Variants in HSD17B4 observed in about 807,000 individuals in gnomAD.
HSD17B4 encodes the protein hydroxysteroid 17-beta dehydrogenase 4, also known as peroxisomal multifunctional enzyme type 2.
HSD17B4 carries 70 observed loss-of-function variants against 101.0 expected under a neutral mutation model. The observed-to-expected ratio is 0.69, with a 90% CI of 0.57 to 0.85. The LOEUF is 0.85. HSD17B4 is among the 40% of genes least tolerant of loss of function. HSD17B4 has a pLI of 0.00. For synonymous variants in HSD17B4, 347 were observed against 297.1 expected (o/e 1.17, Z -1.73); for missense variants, 984 against 892.4 (o/e 1.10, Z -1.31).
chr5:119,526,785 C>CCTA (rs1753640326), intron 19 of HSD17B4, among the ~76,000 whole-genome samples: 1 of 151,836 alleles, frequency 6.6e-6, no homozygotes, highest in South Asian at 2.1e-4. Flanking sequence ...AGGCCTCATT[C>CCTA]CTTAGACTTA....
chr5:119,505,354 A>G (rs1456344993), intron 14 of HSD17B4, among the ~76,000 whole-genome samples: 1 of 152,174 alleles, frequency 6.6e-6, no homozygotes, highest in East Asian at 1.9e-4. Flanking sequence ...CATTTTAACA[A>G]TATTGATTCT....
intron 8 of HSD17B4, among the ~76,000 whole-genome samples, chr5:119,483,516 A>G (rs1749337110): frequency 6.6e-6 from 1 of 152,116 alleles, no homozygotes; most frequent in Admixed American, 6.6e-5. Context: ...TTCCCATTTA[A>G]TAAAATAGTG....
At chr5:119,527,289 G>C in intron 20 of HSD17B4, 70 bp downstream of exon 20, 2 of 884,164 alleles carry the variant, frequency 2.3e-6, no homozygotes, top group South Asian at 2.7e-5. Flanking sequence ...TTTTTTTTTG[G>C]TTAGTACTAT....
Position 119,456,228 on chromosome 5 carries a change from A to C in HSD17B4, c.59-87A>C, listed in dbSNP as rs33950298. The stretch of plus-strand genomic sequence containing the variant: ...TTAAAATGTAATTAATTGTTCACCA[A>C]TTTCTTTAAATGGGGATTGAGTTGA... On this transcript the variant is annotated intron_variant, in intron 1 of 23. Coordinates refer to ENST00000510025, the MANE Select transcript of HSD17B4 (RefSeq NM_000414.4). The C allele has an allele frequency of 1.4e-3, 1,191 of 836,984 alleles. 18 individuals are homozygous for C. The highest frequency in any genetic ancestry group is 0.011 in the South Asian group (824 of 74,728). 51.8% of individuals were successfully genotyped at this position (836,984 alleles called of 1,614,324 possible).
chr5:119,521,346 A>C (rs551144333), intron 17 of HSD17B4, among the ~76,000 whole-genome samples: 5 of 152,214 alleles, frequency 3.3e-5, no homozygotes, highest in African/African-American at 1.2e-4. Context: ...TTTTGCTGGG[A>C]TATGTCTCAG....
intron 20 of HSD17B4, among the ~76,000 whole-genome samples, chr5:119,528,692 T>G (rs1316542439): frequency 6.6e-6 from 1 of 152,124 alleles, no homozygotes; most frequent in Non-Finnish European, 1.5e-5. Flanking sequence ...GCAATTCTGG[T>G]GATGAATAGT....
intron 1 of HSD17B4, among the ~76,000 whole-genome samples, chr5:119,455,542 TTCTCTCTC>T (rs200829499): frequency 2.9e-4 from 40 of 139,360 alleles, no homozygotes; most frequent in African/African-American, 7.7e-4. Context: ...AAGCAAAACT[TTCTCTCTC>T]TCTCTCTCTC....
chr5:119,476,505 A>G (rs1748597267), intron 6 of HSD17B4: 1 of 955,534 alleles, frequency 1.0e-6, no homozygotes, highest in Non-Finnish European at 1.2e-6. Flanking sequence ...CTGAGGTGAA[A>G]CAATTGTATC....
At chr5:119,528,645 T>A (rs1004060632) in intron 20 of HSD17B4, among the ~76,000 whole-genome samples, 1 of 152,150 alleles carries the variant, frequency 6.6e-6, no homozygotes, top group African/African-American at 2.4e-5. Context: ...CTAAAAGTGT[T>A]AAGGACCATG....
chr5:119,466,785 A>G (rs1025277238), intron 2 of HSD17B4, among the ~76,000 whole-genome samples: 5 of 150,646 alleles, frequency 3.3e-5, no homozygotes, highest in East Asian at 2.0e-4. Flanking sequence ...AATTTTGTTT[A>G]TTTCTTCTCT....
rs760213706 is a variant in HSD17B4 at position 119,529,955 on chromosome 5, G to A, written c.1829G>A (p.Gly610Asp). The A allele has an allele frequency of 1.2e-6, 2 of 1,607,668 alleles. No homozygotes were observed. The highest frequency in any genetic ancestry group is 1.3e-5 in the African/African-American group (1 of 74,706). Reference protein sequence around the residue: ...NAYVDLAPTSGTSAKTPSEGG... With the variant: ...NAYVDLAPTSDTSAKTPSEGG... ...TATGTGGATCTTGCACCAACATCTG[G>A]TACTTCAGCTAAGACACCCTCTGAG... Residue 610 changes from glycine (G) to aspartate (D), a missense_variant, in exon 21 of 24, where the codon GGT becomes GAT. Gly to Asp is a moderately conservative substitution (Grantham distance 94, BLOSUM62 -1). Coordinates refer to ENST00000510025, the MANE Select transcript of HSD17B4 (RefSeq NM_000414.4).
chr5:119,532,661 G>T (rs1204882555), intron 22 of HSD17B4, among the ~76,000 whole-genome samples: 1 of 152,042 alleles, frequency 6.6e-6, no homozygotes, highest in African/African-American at 2.4e-5. Flanking sequence ...CCAGCCAGAA[G>T]TTGTTGTAGT....
intron 13 of HSD17B4, 99 bp downstream of exon 13, chr5:119,499,652 T>TGTGTGTGTTTTCCTG: frequency 1.7e-6 from 1 of 587,634 alleles, no homozygotes; most frequent in South Asian, 2.5e-5. Flanking sequence ...TGTGTGTATA[T>TGTGTGTGTTTTCCTG]ATATTTATAT....
intron 16 of HSD17B4, among the ~76,000 whole-genome samples, chr5:119,513,549 A>G (rs2126829355): frequency 6.6e-6 from 1 of 152,112 alleles, no homozygotes; most frequent in South Asian, 2.1e-4. Context: ...ACACCTGGCT[A>G]ATTTTTGTAT....
chr5:119,541,969 T>C lies in HSD17B4; in HGVS notation c.2186T>C (p.Ile729Thr). 1 of 1,612,760 alleles carries C rather than the reference T, an allele frequency of 6.2e-7. No homozygotes were observed. Among genetic ancestry groups the C allele is most frequent in the Non-Finnish European group, 8.5e-7 (1 of 1,179,046 alleles). Residue 729 changes from isoleucine (I) to threonine (T), a missense_variant, in exon 24 of 24, where the codon ATT (isoleucine) becomes ACT (threonine). By Grantham distance (89) the Ile-to-Thr change is moderately conservative (BLOSUM62 -1). Coordinates refer to ENST00000510025, the MANE Select transcript of HSD17B4 (RefSeq NM_000414.4). ...NIMLSQKLQM[I>T]LKDYAKL The stretch of plus-strand genomic sequence containing the variant: ...ATGCTGAGCCAGAAACTTCAGATGA[T>C]TCTTAAAGACTACGCCAAGCTCTGA...
intron 22 of HSD17B4, among the ~76,000 whole-genome samples, chr5:119,534,694 A>G (rs775452880): frequency 1.4e-4 from 21 of 152,182 alleles, no homozygotes; most frequent in African/African-American, 4.8e-5. Flanking sequence ...TGTCTCATGC[A>G]TTTATAGAAA....
chr5:119,515,085 TTGA>T, intron 17 of HSD17B4, 39 bp downstream of exon 17: 1 of 1,098,832 alleles, frequency 9.1e-7, no homozygotes, highest in South Asian at 1.2e-5. Flanking sequence ...ATCCACCTGG[TTGA>T]TGACACTTTT....
At chr5:119,476,142 C>G (rs1348561640) in intron 6 of HSD17B4, among the ~76,000 whole-genome samples, 1 of 151,742 alleles carries the variant, frequency 6.6e-6, no homozygotes, top group African/African-American at 2.4e-5. Flanking sequence ...CTTTTTTTCT[C>G]CTTAAGAGGT....
chr5:119,536,322 A>C (rs1754530261), intron 22 of HSD17B4, 101 bp from the exon 23 acceptor site: 3 of 1,074,984 alleles, frequency 2.8e-6, no homozygotes, highest in Non-Finnish European at 4.3e-6. Flanking sequence ...TGCCACATTA[A>C]CATGGAAACT....
Sources: allele counts gnomAD v4.1 joint callset (sites outside exome capture counted in the v4.1 genomes callset), GRCh38; gene constraint gnomAD v4.1.1; transcripts MANE v1.5; gene names NCBI Gene and HGNC (gene_info 2026-07-23, HGNC 2026-07-21).